SH2D4A: variants seen among roughly 807,000 people sequenced by gnomAD.
SH2D4A encodes SH2 domain-containing protein 4A.
SH2D4A carries 70 observed loss-of-function variants against 64.7 expected under a neutral mutation model. That is an observed-to-expected ratio of 1.08 (90% confidence interval 0.89 to 1.32). SH2D4A has a LOEUF of 1.32. SH2D4A is among the 40% of genes most tolerant of loss of function. SH2D4A has a pLI of 0.00. For missense variants in SH2D4A, 706 were observed against 540.1 expected (o/e 1.31, Z -3.04); for synonymous variants, 268 against 200.7 (o/e 1.34, Z -2.83).
At chr8:19,317,316 T>C (rs2052105735) in intron 1 of SH2D4A, among the ~76,000 whole-genome samples, 1 of 151,342 alleles carries the variant, frequency 6.6e-6, no homozygotes, top group Non-Finnish European at 1.5e-5. Context: ...TTTTTTTTTT[T>C]TTTTTTTTTT....
intron 4 of SH2D4A, among the ~76,000 whole-genome samples, chr8:19,344,193 A>G (rs1380824589): frequency 6.6e-6 from 1 of 152,168 alleles, no homozygotes; most frequent in African/African-American, 2.4e-5. Flanking sequence ...GAAGTCTGAC[A>G]TAGCAGGACT....
chr8:19,385,210 T>A (rs984867841), intron 8 of SH2D4A, among the ~76,000 whole-genome samples: 3 of 140,370 alleles, frequency 2.1e-5, no homozygotes, highest in African/African-American at 7.7e-5. Flanking sequence ...CAGCTGTTTT[T>A]TTGTTTTTTT....
intron 2 of SH2D4A, among the ~76,000 whole-genome samples, chr8:19,325,335 C>T (rs1414625928): frequency 6.6e-6 from 1 of 152,172 alleles, no homozygotes; most frequent in East Asian, 1.9e-4. Flanking sequence ...TTAATCCTCA[C>T]AAGGATCCGG....
At chr8:19,326,302 C>T (rs983815624) in intron 2 of SH2D4A, among the ~76,000 whole-genome samples, 19 of 152,224 alleles carry the variant, frequency 1.2e-4, no homozygotes, top group African/African-American at 4.6e-4. Flanking sequence ...CCCTGCCAGT[C>T]AGGCATTTGT....
intron 4 of SH2D4A, among the ~76,000 whole-genome samples, chr8:19,351,495 C>CGGGAG (rs1320811178): frequency 6.6e-6 from 1 of 151,764 alleles, no homozygotes; most frequent in Non-Finnish European, 1.5e-5. Context: ...CCCAGCTACT[C>CGGGAG]GGGAGGCTGA....
At chr8:19,334,557 A>G (rs1301455606) in intron 3 of SH2D4A, 129 bp from the exon 4 acceptor site, 2 of 964,922 alleles carry the variant, frequency 2.1e-6, no homozygotes, top group Non-Finnish European at 1.5e-6. Flanking sequence ...AGGGCCCAGC[A>G]TGTTAGAAGC....
At chr8:19,339,038 G>A (rs1406175747) in intron 4 of SH2D4A, among the ~76,000 whole-genome samples, 1 of 152,224 alleles carries the variant, frequency 6.6e-6, no homozygotes, top group African/African-American at 2.4e-5. Flanking sequence ...CAGGGAAGCC[G>A]ACAGTGCAGC....
intron 7 of SH2D4A, among the ~76,000 whole-genome samples, chr8:19,369,331 C>G (rs2053056296): frequency 6.6e-6 from 1 of 151,978 alleles, no homozygotes; most frequent in Admixed American, 6.6e-5. Flanking sequence ...GTTTTGATAT[C>G]AAGGTAATGC....
intron 2 of SH2D4A, among the ~76,000 whole-genome samples, chr8:19,329,023 C>G (rs2117197528): frequency 6.6e-6 from 1 of 152,312 alleles, no homozygotes; most frequent in South Asian, 2.1e-4. Context: ...TCAGCCTATG[C>G]CACACACGTG....
At chr8:19,339,542 G>A (rs1399936391) in intron 4 of SH2D4A, among the ~76,000 whole-genome samples, 5 of 125,392 alleles carry the variant, frequency 4.0e-5, no homozygotes, top group South Asian at 2.8e-4. Context: ...CCCTCTCCCC[G>A]AGGCTGCAGT....
chr8:19,314,345 A>G (rs1389939728), intron 1 of SH2D4A, among the ~76,000 whole-genome samples: 1 of 152,034 alleles, frequency 6.6e-6, no homozygotes, highest in Admixed American at 6.5e-5. Flanking sequence ...CAGCTGGCGC[A>G]GCACCCCCGC....
At position 19,364,224 on chromosome 8, in the gene SH2D4A, C is replaced by T. The variant is rs750409199; in HGVS notation, c.859C>T (p.Pro287Ser). The T allele has an allele frequency of 4.3e-6, 7 of 1,614,176 alleles. No homozygotes were observed. Among genetic ancestry groups the T allele is most frequent in the South Asian group, 3.3e-5 (3 of 91,084 alleles). The change falls in exon 7 of 10, where the codon CCC becomes TCC. Residue 287 changes from proline to serine, a missense_variant. Physicochemically the swap from Pro to Ser is moderately conservative, Grantham distance 74. Coordinates refer to ENST00000265807, the MANE Select transcript of SH2D4A (RefSeq NM_022071.4). ...LRVPQKPERP[P>S]LPPKPQFLNS... Reference sequence around the variant, plus strand: ...TGTTCCGCAGAAACCAGAAAGACCTCCCCTTCCACCCAAGCCTCAGTTCCT... The same window carrying T: ...TGTTCCGCAGAAACCAGAAAGACCTTCCCTTCCACCCAAGCCTCAGTTCCT...
In SH2D4A at chr8:19,319,547, G is replaced by T. The variant is rs2052149481; in HGVS notation, c.-1G>T. ...GTATAAAAGACTTCAGAAGTGCAAA[G>T]ATGCTGAAACAGATACTGTCGGAGA... On this transcript the variant is annotated 5_prime_UTR_variant, in exon 2 of 10. Transcript: ENST00000265807. 1.3e-6 allele frequency: 2 copies of T among 1,520,070 alleles called. No homozygotes were observed. The highest frequency in any genetic ancestry group is 1.8e-6 in the Non-Finnish European group (2 of 1,133,740). 94.2% of individuals were successfully genotyped at this position (1,520,070 alleles called of 1,614,324 possible).
At chr8:19,393,033 G>T (rs533694555) in intron 8 of SH2D4A, among the ~76,000 whole-genome samples, 1 of 152,130 alleles carries the variant, frequency 6.6e-6, no homozygotes, top group Non-Finnish European at 1.5e-5. Flanking sequence ...GAGCCACCAC[G>T]CCTGGCCCAG....
chr8:19,333,356 T>G (rs193018099), intron 3 of SH2D4A, among the ~76,000 whole-genome samples: 10 of 152,260 alleles, frequency 6.6e-5, no homozygotes, highest in African/African-American at 2.4e-4. Context: ...AAAGACCTCA[T>G]GAAAATCTTT....
intron 4 of SH2D4A, among the ~76,000 whole-genome samples, chr8:19,348,197 G>A (rs1387413503): frequency 6.6e-6 from 1 of 152,078 alleles, no homozygotes; most frequent in African/African-American, 2.4e-5. Context: ...CTGGGCTCAG[G>A]TGATCCTCCT....
intron 4 of SH2D4A, among the ~76,000 whole-genome samples, chr8:19,345,843 A>G (rs2052605178): frequency 1.3e-5 from 2 of 152,230 alleles, no homozygotes; most frequent in Non-Finnish European, 2.9e-5. Flanking sequence ...GATCCCTTAC[A>G]GAAGAATGGA....
At chr8:19,340,944 A>T (rs919302171) in intron 4 of SH2D4A, among the ~76,000 whole-genome samples, 3 of 152,146 alleles carry the variant, frequency 2.0e-5, no homozygotes, top group East Asian at 1.9e-4. Context: ...ACTTTTTCTC[A>T]TGGAGTTAAG....
intron 8 of SH2D4A, among the ~76,000 whole-genome samples, chr8:19,384,242 C>A (rs927400344): frequency 6.6e-6 from 1 of 152,102 alleles, no homozygotes; most frequent in East Asian, 1.9e-4. Flanking sequence ...CCCTCACCAA[C>A]AGAGAATGAA....
Sources: gnomAD v4.1 joint callset for allele counts (sites outside exome capture counted in the v4.1 genomes callset) on GRCh38, gnomAD v4.1.1 for gene constraint, MANE v1.5 for transcripts, NCBI Gene and HGNC (gene_info 2026-07-23, HGNC 2026-07-21) for gene names.